GPR158: variants seen among roughly 807,000 people sequenced by gnomAD.
GPR158 encodes G protein-coupled receptor 158, also known as metabotropic glycine receptor.
A neutral mutation model predicts 78.2 loss-of-function variants in GPR158; 30 were observed. That is an observed-to-expected ratio of 0.38 (90% confidence interval 0.29 to 0.52). The LOEUF (loss-of-function observed/expected upper bound fraction) is 0.52. Among genes scored for constraint, GPR158 ranks in the 20% least tolerant of loss-of-function variants. The probability of loss-of-function intolerance (pLI) is 0.83; values close to 1 mark genes in which losing one functional copy is unlikely to be tolerated. For synonymous variants in GPR158, 581 were observed against 591.1 expected, an observed-to-expected ratio of 0.98 and a Z score of 0.25; for missense variants, 1,463 against 1,523.5, an observed-to-expected ratio of 0.96 and a Z score of 0.66.
At chr10:25,203,250 T>C (rs969905454) in intron 1 of GPR158, among the ~76,000 whole-genome samples, 32 of 152,228 alleles carry the variant, frequency 2.1e-4, no homozygotes, top group African/African-American at 7.5e-4. Context: ...AGAAGCTCTT[T>C]AGTTTAATTA....
chr10:25,273,967 C>T (rs1317311246), intron 2 of GPR158, among the ~76,000 whole-genome samples: 1 of 152,186 alleles, frequency 6.6e-6, no homozygotes, highest in Non-Finnish European at 1.5e-5. Context: ...CATGAGCCAC[C>T]GTGCCTAGCC....
At chr10:25,439,612 T>C (rs1412262868) in intron 4 of GPR158, among the ~76,000 whole-genome samples, 2 of 152,118 alleles carry the variant, frequency 1.3e-5, no homozygotes, top group Non-Finnish European at 2.9e-5. Flanking sequence ...AGCTTCCTAT[T>C]ATTTTCCTAA....
chr10:25,599,130 A>G lies in GPR158; in HGVS notation c.3504A>G (p.Arg1168=). ...SNNFQQPLTS[R]AEVCPWEFET... is the part of the protein sequence containing the mutation. ...ACTTCCAGCAACCTTTAACATCACGAGCAGAGGTTTGTCCTTGGGAGTTTG... is the reference window on the plus strand; with the variant it reads ...ACTTCCAGCAACCTTTAACATCACGGGCAGAGGTTTGTCCTTGGGAGTTTG... The change falls in exon 11 of 11, where the codon CGA becomes CGG. Residue 1168 remains arginine, a synonymous_variant. Coordinates refer to ENST00000376351, the MANE Select transcript of GPR158 (RefSeq NM_020752.3). The G allele has an allele frequency of 1.2e-6, 2 of 1,611,422 alleles. No homozygotes were observed. The highest frequency in any genetic ancestry group is 1.7e-6 in the Non-Finnish European group (2 of 1,179,980).
chr10:25,384,878 C>T (rs1588838452), intron 2 of GPR158, among the ~76,000 whole-genome samples: 2 of 152,100 alleles, frequency 1.3e-5, no homozygotes, highest in East Asian at 1.9e-4. Context: ...TACATCATGC[C>T]GATTGCAATA....
chr10:25,200,868 G>GTTTTTTTT (rs56696555), intron 1 of GPR158, among the ~76,000 whole-genome samples: 4 of 113,302 alleles, frequency 3.5e-5, no homozygotes, highest in Non-Finnish European at 5.8e-5. Context: ...TTTTTGTTTT[G>GTTTTTTTT]TTTTTTTTTT....
chr10:25,500,570 AATTT>A (rs1175709272), intron 5 of GPR158, among the ~76,000 whole-genome samples: 2 of 152,330 alleles, frequency 1.3e-5, no homozygotes, highest in East Asian at 1.9e-4. Flanking sequence ...TTTACACAGT[AATTT>A]ATTTGAGATG....
intron 4 of GPR158, among the ~76,000 whole-genome samples, chr10:25,463,566 T>A (rs867749945): frequency 2.0e-5 from 3 of 152,316 alleles, no homozygotes; most frequent in Non-Finnish European, 4.4e-5. Context: ...AGATTTTTTA[T>A]AAGTTTCCCA....
chr10:25,372,103 A>T (rs867158996), intron 2 of GPR158, among the ~76,000 whole-genome samples: 19,989 of 150,906 alleles, frequency 0.13, 1,621 homozygotes, highest in Non-Finnish European at 0.18. Context: ...AACACATGAA[A>T]AAAATGCTCA....
At chr10:25,533,954 ATTG>A (rs750071855) in intron 5 of GPR158, among the ~76,000 whole-genome samples, 19 of 152,190 alleles carry the variant, frequency 1.2e-4, no homozygotes, top group Admixed American at 3.9e-4. Context: ...ACATCACAGT[ATTG>A]TTGTAAGAAA....
At chr10:25,198,317 G>A (rs1242133641) in intron 1 of GPR158, among the ~76,000 whole-genome samples, 1 of 152,200 alleles carries the variant, frequency 6.6e-6, no homozygotes, top group East Asian at 1.9e-4. Flanking sequence ...CAGACAGATG[G>A]AAGACGTGAA....
rs180734433 is a variant in GPR158, at chr10:25,251,307, A to T, written c.1008+30150A>T. Among the ~76,000 whole-genome samples the T allele has an allele frequency of 3.5e-3, 537 of 152,018 alleles. 2 individuals are homozygous for T. Among genetic ancestry groups the T allele is most frequent in the African/African-American group, 0.013 (524 of 41,408 alleles). On this transcript the variant is annotated intron_variant, in intron 2 of 10. Transcript: ENST00000376351. Reference sequence around the variant, plus strand: ...GTCTTTTAATTGGAGAATTTAGTCCATTTAAATTTAAAGTTAATATTGTTA... The same window carrying T: ...GTCTTTTAATTGGAGAATTTAGTCCTTTTAAATTTAAAGTTAATATTGTTA...
At chr10:25,433,536 G>GTGTGTGT (rs1834943279) in intron 4 of GPR158, among the ~76,000 whole-genome samples, 1 of 131,890 alleles carries the variant, frequency 7.6e-6, no homozygotes, top group Non-Finnish European at 1.6e-5. Flanking sequence ...TTAGGGGTGT[G>GTGTGTGT]TGTGTGTGTG....
chr10:25,545,843 T>C (rs150131226), intron 5 of GPR158, among the ~76,000 whole-genome samples: 1 of 152,302 alleles, frequency 6.6e-6, no homozygotes, highest in Non-Finnish European at 1.5e-5. Context: ...TGCCAGGTAC[T>C]ATCTTAGGGA....
intron 5 of GPR158, among the ~76,000 whole-genome samples, chr10:25,473,164 ACG>A: frequency 2.6e-5 from 4 of 151,702 alleles, no homozygotes; most frequent in Non-Finnish European, 4.4e-5. Context: ...TTTAGCATGA[ACG>A]GTTGTTGAAT....
intron 2 of GPR158, among the ~76,000 whole-genome samples, chr10:25,364,937 TAGAG>T (rs1375758026): frequency 6.6e-6 from 1 of 151,722 alleles, no homozygotes; most frequent in Non-Finnish European, 1.5e-5. Flanking sequence ...AGTTATGCCA[TAGAG>T]AGCATTTAGA....
intron 7 of GPR158, among the ~76,000 whole-genome samples, chr10:25,581,221 C>G (rs1041455861): frequency 2.6e-5 from 4 of 152,216 alleles, no homozygotes; most frequent in African/African-American, 9.6e-5. Flanking sequence ...AGCCACCGCG[C>G]CCGGCGCTAA....
intron 2 of GPR158, among the ~76,000 whole-genome samples, chr10:25,237,719 A>C (rs898330617): frequency 6.6e-6 from 1 of 152,032 alleles, no homozygotes; most frequent in Non-Finnish European, 1.5e-5. Flanking sequence ...CTCTCTGACA[A>C]ACAGTGAGTT....
intron 1 of GPR158, among the ~76,000 whole-genome samples, chr10:25,202,770 A>T (rs1378258505): frequency 6.6e-6 from 1 of 152,246 alleles, no homozygotes; most frequent in Non-Finnish European, 1.5e-5. Flanking sequence ...GCATATACCC[A>T]GTAATGGGAT....
At chr10:25,184,597 C>T (rs1331541042) in intron 1 of GPR158, among the ~76,000 whole-genome samples, 2 of 152,100 alleles carry the variant, frequency 1.3e-5, no homozygotes, top group Admixed American at 6.6e-5. Flanking sequence ...TTTTATTTTC[C>T]GAATAGGTAA....
Sources: gnomAD v4.1 joint callset for allele counts (sites outside exome capture counted in the v4.1 genomes callset) on GRCh38, gnomAD v4.1.1 for gene constraint, MANE v1.5 for transcripts, NCBI Gene and HGNC (gene_info 2026-07-23, HGNC 2026-07-21) for gene names.